NTNG1: variants seen among roughly 807,000 people sequenced by gnomAD.
The protein encoded by NTNG1 is netrin G1.
Under a neutral mutation model 54.0 loss-of-function variants are expected in NTNG1, and 16 were observed. The ratio of observed to expected loss-of-function variants is 0.30; its 90% CI spans 0.20 to 0.45. The LOEUF (loss-of-function observed/expected upper bound fraction) is 0.45, where lower values mean the gene tolerates loss of function less well. NTNG1 is among the 20% of genes least tolerant of loss of function. The pLI, the probability that NTNG1 is intolerant of heterozygous loss-of-function variation, is 1.00. For missense variants in NTNG1, 530 were observed against 678.7 expected, an observed-to-expected ratio of 0.78 and a Z score of 2.43; for synonymous variants, 255 against 263.1, an observed-to-expected ratio of 0.97 and a Z score of 0.30.
intron 2 of NTNG1, among the ~76,000 whole-genome samples, chr1:107,246,255 G>A (rs767633438): frequency 2.6e-5 from 4 of 152,026 alleles, no homozygotes; most frequent in Admixed American, 1.3e-4. Flanking sequence ...GGGTTTCACC[G>A]TGTTAGCCAG....
At chr1:107,421,754 G>A (rs918960283) in intron 5 of NTNG1, among the ~76,000 whole-genome samples, 6 of 152,082 alleles carry the variant, frequency 3.9e-5, no homozygotes, top group Admixed American at 3.9e-4. Flanking sequence ...GTCATTCACA[G>A]AATGAAGATT....
intron 2 of NTNG1, among the ~76,000 whole-genome samples, chr1:107,263,645 G>A (rs2101661192): frequency 6.6e-6 from 1 of 152,206 alleles, no homozygotes; most frequent in South Asian, 2.1e-4. Context: ...TCTTTCCTAG[G>A]CTTGTACAGT....
At chr1:107,210,319 A>G (rs1659515456) in intron 2 of NTNG1, among the ~76,000 whole-genome samples, 2 of 152,234 alleles carry the variant, frequency 1.3e-5, no homozygotes, top group Non-Finnish European at 2.9e-5. Context: ...GAAAATTTAA[A>G]CAACTCCTCT....
intron 2 of NTNG1, among the ~76,000 whole-genome samples, chr1:107,192,356 C>T (rs1040361651): frequency 7.2e-5 from 11 of 151,978 alleles, no homozygotes; most frequent in African/African-American, 2.4e-4. Flanking sequence ...ATAAGCCTGC[C>T]CAGCGTGTTT....
At chr1:107,407,845 G>T (rs192370632) in intron 5 of NTNG1, 137 bp downstream of exon 5, 1 of 812,774 alleles carries the variant, frequency 1.2e-6, no homozygotes, top group Non-Finnish European at 2.2e-6. Context: ...TTGCATTTTT[G>T]TGTTGGTTTT....
chr1:107,189,903 G>C (rs1438861228), intron 2 of NTNG1, among the ~76,000 whole-genome samples: 1 of 151,792 alleles, frequency 6.6e-6, no homozygotes, highest in Non-Finnish European at 1.5e-5. Context: ...ACAGCCAAAA[G>C]GTGGGAATAG....
intron 2 of NTNG1, among the ~76,000 whole-genome samples, chr1:107,173,563 G>A (rs72697672): frequency 8.5e-4 from 130 of 152,248 alleles, no homozygotes; most frequent in Non-Finnish European, 1.6e-3. Flanking sequence ...CACACTCAAT[G>A]CCTTAGAAGT....
intron 6 of NTNG1, among the ~76,000 whole-genome samples, chr1:107,432,938 A>C (rs1344180973): frequency 6.6e-6 from 1 of 152,146 alleles, no homozygotes; most frequent in African/African-American, 2.4e-5. Context: ...CAGTTTTAAG[A>C]GGTATAGTTC....
intron 2 of NTNG1, among the ~76,000 whole-genome samples, chr1:107,149,423 TC>T (rs1313372807): frequency 7.9e-5 from 12 of 152,270 alleles, no homozygotes; most frequent in African/African-American, 2.9e-4. Flanking sequence ...ATTTGCCAAC[TC>T]CCCTTATTGT....
Position 107,298,207 on chromosome 1 carries a change from C to A in NTNG1, c.247-26075C>A, listed in dbSNP as rs149776080. On this transcript the variant is annotated intron_variant, in intron 2 of 7. Coordinates refer to ENST00000370068, the MANE Select transcript of NTNG1 (RefSeq NM_001113226.3). Reference sequence around the variant, plus strand: ...CCCAAAATATTTGAGTTTATTATATCTCAAGTAATGCTAGTAGTCAGGGTA... The same window carrying A: ...CCCAAAATATTTGAGTTTATTATATATCAAGTAATGCTAGTAGTCAGGGTA... Among the ~76,000 whole-genome samples the A allele has an allele frequency of 1.9e-4, 29 of 152,278 alleles. No homozygotes were observed. The East Asian group carries it at 4.8e-3, about 25-fold the overall frequency.
intron 2 of NTNG1, among the ~76,000 whole-genome samples, chr1:107,220,016 TG>T (rs1357237112): frequency 6.6e-6 from 1 of 152,054 alleles, no homozygotes; most frequent in Non-Finnish European, 1.5e-5. Flanking sequence ...GACCATCAGG[TG>T]TTAGGCATAT....
rs151006876 is a variant in NTNG1, at chr1:107,344,993, G to A, written c.887+20071G>A. Among the ~76,000 whole-genome samples the A allele has an allele frequency of 6.9e-3, 1,048 of 152,226 alleles. 13 individuals are homozygous for A. Among genetic ancestry groups the A allele is most frequent in the African/African-American group, 0.021 (858 of 41,542 alleles). On this transcript the variant is annotated intron_variant, in intron 3 of 7. Coordinates refer to ENST00000370068, the MANE Select transcript of NTNG1 (RefSeq NM_001113226.3). ...CTATGTAGTTTATTTTTACTATCAG[G>A]AAAAGCATAGCATTCAAACACTGAT... is the stretch of plus-strand genomic sequence containing the variant.
intron 6 of NTNG1, among the ~76,000 whole-genome samples, 196 bp from the exon 7 acceptor site, chr1:107,436,469 A>G (rs1441737717): frequency 6.6e-6 from 1 of 152,186 alleles, no homozygotes; most frequent in African/African-American, 2.4e-5. Flanking sequence ...ATTTCCTCCC[A>G]TATCATAAAA....
intron 5 of NTNG1, among the ~76,000 whole-genome samples, chr1:107,428,678 C>T (rs1445063615): frequency 6.6e-6 from 1 of 151,994 alleles, no homozygotes; most frequent in Non-Finnish European, 1.5e-5. Context: ...ATTGGGTTTC[C>T]TTCCTTCAAC....
At chr1:107,212,214 C>A (rs1659642952) in intron 2 of NTNG1, among the ~76,000 whole-genome samples, 1 of 152,020 alleles carries the variant, frequency 6.6e-6, no homozygotes, top group African/African-American at 2.4e-5. Context: ...TGTTAAAAAT[C>A]TTTAAATCTA....
intron 2 of NTNG1, among the ~76,000 whole-genome samples, chr1:107,260,365 TCA>T (rs1224868309): frequency 6.6e-6 from 1 of 152,176 alleles, no homozygotes; most frequent in East Asian, 1.9e-4. Context: ...CTTTTCACAC[TCA>T]CCACAGAAAC....
At chr1:107,432,148 C>CTTT (rs1675308153) in intron 6 of NTNG1, among the ~76,000 whole-genome samples, 1 of 152,136 alleles carries the variant, frequency 6.6e-6, no homozygotes, top group Admixed American at 6.5e-5. Flanking sequence ...TTTCCGTTTG[C>CTTT]TAGCTCATGG....
At chr1:107,224,878 A>T (rs1315623806) in intron 2 of NTNG1, among the ~76,000 whole-genome samples, 2 of 151,836 alleles carry the variant, frequency 1.3e-5, no homozygotes, top group African/African-American at 2.4e-5. Context: ...CTGGTCTGAG[A>T]CCCCCCTCTG....
intron 2 of NTNG1, among the ~76,000 whole-genome samples, chr1:107,191,060 C>T (rs1217475306): frequency 6.6e-6 from 1 of 152,210 alleles, no homozygotes; most frequent in Non-Finnish European, 1.5e-5. Flanking sequence ...AAAAGTGTTC[C>T]TATTTCTCCG....
Sources: allele counts gnomAD v4.1 joint callset (sites outside exome capture counted in the v4.1 genomes callset), GRCh38; gene constraint gnomAD v4.1.1; transcripts MANE v1.5; gene names NCBI Gene and HGNC (gene_info 2026-07-23, HGNC 2026-07-21).